TAFA1: variants seen among roughly 807,000 people sequenced by gnomAD.
TAFA1 encodes the protein chemokine-like protein TAFA-1.
In TAFA1, 4 loss-of-function variants were observed where a neutral mutation model predicts 18.5. The ratio of observed to expected loss-of-function variants is 0.22; its 90% CI spans 0.11 to 0.49. TAFA1 has a LOEUF of 0.49. TAFA1 is among the 20% of genes least tolerant of loss of function. The pLI, the probability that TAFA1 is intolerant of heterozygous loss-of-function variation, is 0.98. For synonymous variants in TAFA1, 56 were observed against 55.2 expected (o/e 1.01, Z -0.06); for missense variants, 147 against 169.0 (o/e 0.87, Z 0.72).
intron 2 of TAFA1, among the ~76,000 whole-genome samples, chr3:68,232,613 G>A (rs982530174): frequency 2.4e-4 from 36 of 150,908 alleles, no homozygotes; most frequent in African/African-American, 8.8e-4. Flanking sequence ...TTTTTAGTGG[G>A]TTTTTTTTTC....
intron 3 of TAFA1, among the ~76,000 whole-genome samples, chr3:68,478,328 C>G (rs2072144610): frequency 6.6e-6 from 1 of 151,968 alleles, no homozygotes; most frequent in African/African-American, 2.4e-5. Context: ...GTCAACAGGC[C>G]CTTTCTAAAT....
chr3:68,001,298 A>G (rs929092979), upstream of TAFA1, among the ~76,000 whole-genome samples: 1 of 152,184 alleles, frequency 6.6e-6, no homozygotes, highest in Non-Finnish European at 1.5e-5. Flanking sequence ...ATTATAGTTG[A>G]TAAAGTAATT....
chr3:68,462,344 G>A (rs1046784351), intron 3 of TAFA1, among the ~76,000 whole-genome samples: 67 of 152,174 alleles, frequency 4.4e-4, no homozygotes, highest in African/African-American at 1.4e-3. Context: ...TCTTCCCTGT[G>A]CTGTTCTCAT....
chr3:68,173,735 A>G (rs1358570801), intron 2 of TAFA1, among the ~76,000 whole-genome samples: 1 of 152,090 alleles, frequency 6.6e-6, no homozygotes, highest in Non-Finnish European at 1.5e-5. Context: ...AATAGGCAAC[A>G]TGGTGTATTG....
At chr3:68,361,092 T>C (rs1448207335) in intron 2 of TAFA1, among the ~76,000 whole-genome samples, 1 of 151,992 alleles carries the variant, frequency 6.6e-6, no homozygotes, top group Non-Finnish European at 1.5e-5. Flanking sequence ...ATTAAAATAA[T>C]TATTGTATAG....
intron 2 of TAFA1, among the ~76,000 whole-genome samples, chr3:68,399,042 AT>A (rs2070436929): frequency 1.3e-5 from 2 of 152,168 alleles, no homozygotes; most frequent in Admixed American, 1.3e-4. Context: ...TTTTTTGGCC[AT>A]AAAAATGTTA....
intron 3 of TAFA1, among the ~76,000 whole-genome samples, chr3:68,538,310 A>T (rs1010345899): frequency 6.6e-6 from 1 of 152,194 alleles, no homozygotes; most frequent in African/African-American, 2.4e-5. Flanking sequence ...CCCCTCTCAT[A>T]GTCCTAACTT....
chr3:68,350,169 G>A (rs1214745055), intron 2 of TAFA1, among the ~76,000 whole-genome samples: 1 of 152,160 alleles, frequency 6.6e-6, no homozygotes, highest in Non-Finnish European at 1.5e-5. Context: ...TTGGTACTCA[G>A]CGCCTCAATC....
chr3:68,453,611 T>C (rs1042010438), intron 3 of TAFA1, among the ~76,000 whole-genome samples: 1 of 152,194 alleles, frequency 6.6e-6, no homozygotes, highest in African/African-American at 2.4e-5. Flanking sequence ...AATGAGAAAA[T>C]GTACAGCTAG....
rs2065788169 is a variant in TAFA1 at position 68,150,146 on chromosome 3, T to G, written c.118+143402T>G. On this transcript the variant is annotated intron_variant, in intron 2 of 4. Transcript: ENST00000478136. ...GATACCTGTAATTTGCTGCTGCAGT[T>G]TTGTAAACACATGCAGCTGCCTTTA... 2.6e-5 allele frequency among the ~76,000 whole-genome samples: 4 copies of G among 152,234 alleles called. No homozygotes were observed. In the South Asian group the frequency reaches 8.3e-4, roughly 31 times the overall value.
At chr3:68,335,908 C>A (rs556781834) in intron 2 of TAFA1, among the ~76,000 whole-genome samples, 1 of 152,246 alleles carries the variant, frequency 6.6e-6, no homozygotes, top group South Asian at 2.1e-4. Flanking sequence ...ATTTGTACAC[C>A]TTCTTTGTGG....
At chr3:68,115,598 C>T (rs2065315583) in intron 2 of TAFA1, among the ~76,000 whole-genome samples, 1 of 152,156 alleles carries the variant, frequency 6.6e-6, no homozygotes, top group South Asian at 2.1e-4. Context: ...CCCACATTAG[C>T]TAAGGTGCTC....
chr3:68,007,326 T>C (rs1371487734), intron 2 of TAFA1, among the ~76,000 whole-genome samples: 1 of 152,162 alleles, frequency 6.6e-6, no homozygotes, highest in Non-Finnish European at 1.5e-5. Flanking sequence ...TGATTTTTGT[T>C]TTGTTTTGTT....
chr3:68,121,222 T>TAG (rs2065393971), intron 2 of TAFA1, among the ~76,000 whole-genome samples: 1 of 83,632 alleles, frequency 1.2e-5, no homozygotes, highest in South Asian at 5.8e-4. Context: ...GAACACATTT[T>TAG]AATTTAGACT....
intron 2 of TAFA1, chr3:68,145,083 C>T (rs61731161): frequency 1.1e-5 from 17 of 1,491,264 alleles, no homozygotes; most frequent in Non-Finnish European, 1.6e-5. Flanking sequence ...GAGCTCGAGG[C>T]CCCTGGAGGA....
chr3:68,356,794 A>T (rs1043257352), intron 2 of TAFA1, among the ~76,000 whole-genome samples: 1 of 152,024 alleles, frequency 6.6e-6, no homozygotes, highest in African/African-American at 2.4e-5. Context: ...ACATACATGC[A>T]TACATACATA....
intron 3 of TAFA1, among the ~76,000 whole-genome samples, chr3:68,482,988 T>G (rs531215131): frequency 2.0e-5 from 3 of 152,328 alleles, no homozygotes; most frequent in South Asian, 4.2e-4. Context: ...TTAAGCCAGT[T>G]GGGGTCAGTT....
At chr3:68,383,218 CTA>C (rs1379122487) in intron 2 of TAFA1, among the ~76,000 whole-genome samples, 1 of 152,066 alleles carries the variant, frequency 6.6e-6, no homozygotes, top group Non-Finnish European at 1.5e-5. Context: ...ACTTCCAACA[CTA>C]TGTTGAATAG....
intron 2 of TAFA1, among the ~76,000 whole-genome samples, chr3:68,213,538 C>A (rs2066619675): frequency 6.6e-6 from 1 of 152,090 alleles, no homozygotes; most frequent in Admixed American, 6.6e-5. Flanking sequence ...ATGTATTCTT[C>A]CCCCAAGCTC....
Sources: allele counts gnomAD v4.1 joint callset (sites outside exome capture counted in the v4.1 genomes callset), GRCh38; gene constraint gnomAD v4.1.1; transcripts MANE v1.5; gene names NCBI Gene and HGNC (gene_info 2026-07-23, HGNC 2026-07-21).